UBAP2L: variants seen among roughly 807,000 people sequenced by gnomAD.
UBAP2L encodes ubiquitin-associated protein 2-like.
In UBAP2L, 12 loss-of-function variants were observed where a neutral mutation model predicts 130.6. The observed-to-expected ratio is 0.09, with a 90% CI of 0.06 to 0.15. The LOEUF is 0.15. Ranked by LOEUF, UBAP2L falls within the 10% of genes least tolerant of loss-of-function variation. The probability of loss-of-function intolerance (pLI) is 1.00; values close to 1 mark genes in which losing one functional copy is unlikely to be tolerated. For missense variants in UBAP2L, 965 were observed against 1,332.5 expected, an observed-to-expected ratio of 0.72 and a Z score of 4.29; for synonymous variants, 503 against 524.7, an observed-to-expected ratio of 0.96 and a Z score of 0.57.
chr1:154,233,051 T>A (rs1447807100), intron 4 of UBAP2L, among the ~76,000 whole-genome samples: 3 of 151,832 alleles, frequency 2.0e-5, no homozygotes, highest in Non-Finnish European at 4.4e-5. Flanking sequence ...GACTCCTCTG[T>A]CGCCCAGGCT....
Position 154,270,798 on chromosome 1 carries a change from T to C in UBAP2L, c.*503T>C. ...TTTTTTTTTTTTTTGTACTGTGTCC[T>C]CAAATTTAATGGATTAATGTGTCTT... is the stretch of plus-strand genomic sequence containing the variant. On this transcript the variant is annotated 3_prime_UTR_variant, in exon 27 of 27. Transcript: ENST00000428931. The C allele has an allele frequency of 1.2e-6, 1 of 835,802 alleles. No individual in the cohort carries two copies. The highest frequency in any genetic ancestry group is 1.8e-5 in the South Asian group (1 of 55,354). The allele number at this position is 835,802 out of a possible 1,614,324, so 51.8% of individuals were successfully genotyped here.
At chr1:154,269,592 C>CT (rs768943720) in intron 26 of UBAP2L, 6 of 384,398 alleles carry the variant, frequency 1.6e-5, no homozygotes, top group Non-Finnish European at 2.5e-5. Context: ...CCAACACCCT[C>CT]TTTATCTTTG....
chr1:154,253,471 G>A lies in UBAP2L; in HGVS notation c.1665-429G>A, dbSNP rs1017274683. Among the ~76,000 whole-genome samples the A allele has an allele frequency of 1.5e-4, 22 of 148,050 alleles. 1 individual carries two copies. In the South Asian group the frequency reaches 4.7e-3, roughly 32 times the overall value. On this transcript the variant is annotated intron_variant, in intron 14 of 26. Transcript: ENST00000428931. ...TTGATCTCGGCTCACTGCAAGCTGC[G>A]CCTCCCGGGTTCATGCCAGTCTCCT...
intron 8 of UBAP2L, among the ~76,000 whole-genome samples, chr1:154,237,498 C>G (rs944370322): frequency 3.3e-5 from 5 of 152,128 alleles, no homozygotes; most frequent in African/African-American, 9.7e-5. Flanking sequence ...CTATTAGGTC[C>G]AAGTGTATTT....
intron 24 of UBAP2L, chr1:154,263,189 G>A (rs1325439551): frequency 3.2e-5 from 49 of 1,550,400 alleles, no homozygotes; most frequent in Non-Finnish European, 4.2e-5. Context: ...TTGTGTGTGT[G>A]TATAAATTTG....
chr1:154,233,651 CTGTGTGTGTG>C (rs61695071), intron 4 of UBAP2L, among the ~76,000 whole-genome samples: 6 of 146,084 alleles, frequency 4.1e-5, no homozygotes, highest in South Asian at 2.2e-4. Flanking sequence ...AATGAAATTG[CTGTGTGTGTG>C]TGTGTGTGTG....
chr1:154,237,429 T>A (rs1213378325), intron 8 of UBAP2L, among the ~76,000 whole-genome samples: 1 of 152,248 alleles, frequency 6.6e-6, no homozygotes, highest in Non-Finnish European at 1.5e-5. Context: ...TGCTAGTATT[T>A]GAACTCAGCA....
intron 4 of UBAP2L, 114 bp from the exon 5 acceptor site, chr1:154,234,477 A>G (rs1056992960): frequency 3.6e-6 from 4 of 1,100,704 alleles, no homozygotes; most frequent in African/African-American, 3.1e-5. Flanking sequence ...GAAGTGTTTT[A>G]GACATGGATG....
chr1:154,267,880 CTTTTTTT>C (rs869153080), intron 25 of UBAP2L, among the ~76,000 whole-genome samples: 2,213 of 51,960 alleles, frequency 0.043, 44 homozygotes, highest in Non-Finnish European at 0.06. Flanking sequence ...CTTATTTGGT[CTTTTTTT>C]TTTTTTTTTT....
At position 154,257,172 on chromosome 1, in the gene UBAP2L, T is replaced by G; in HGVS notation, c.2267T>G (p.Leu756Arg). 2.5e-6 allele frequency: 4 copies of G among 1,614,170 alleles called. No homozygotes were observed. The highest frequency in any genetic ancestry group is 3.4e-6 in the Non-Finnish European group (4 of 1,180,020). ...PPPVVSVSSS[L>R]NSGSSLGLSL... ...CCAGTGGTCAGTGTCTCCTCCAGTC[T>G]CAATAGTGGCAGTAGCCTGGGCCTC... The change falls in exon 19 of 27, where the codon CTC becomes CGC. Residue 756 changes from leucine to arginine, a missense_variant. Transcript: ENST00000428931.
chr1:154,250,515 G>T (rs1353981799), intron 12 of UBAP2L, among the ~76,000 whole-genome samples: 1 of 152,126 alleles, frequency 6.6e-6, no homozygotes, highest in African/African-American at 2.4e-5. Context: ...GTGCATTCCT[G>T]TCTTACACAG....
At chr1:154,262,011 G>A (rs898212796) in intron 24 of UBAP2L, among the ~76,000 whole-genome samples, 1 of 152,218 alleles carries the variant, frequency 6.6e-6, no homozygotes, top group East Asian at 1.9e-4. Context: ...AAATGTCAGT[G>A]GAGGCAAGTG....
chr1:154,240,935 T>TCCCCCCCCCC (rs71096517), intron 8 of UBAP2L, among the ~76,000 whole-genome samples: 1 of 80,740 alleles, frequency 1.2e-5, no homozygotes, highest in African/African-American at 4.3e-5. Flanking sequence ...TGTCTGTCTG[T>TCCCCCCCCCC]CCCCCCCCCC....
At chr1:154,270,961 A>T (rs1392611295), downstream of UBAP2L, 11 of 1,545,830 alleles carry the variant, frequency 7.1e-6, no homozygotes, top group African/African-American at 1.4e-5. Flanking sequence ...AGGCCCCTGA[A>T]GGCAGTGGAA....
chr1:154,271,017 T>A, downstream of UBAP2L: 1 of 1,406,264 alleles, frequency 7.1e-7, no homozygotes, highest in Non-Finnish European at 9.8e-7. Flanking sequence ...CTTAATGTGG[T>A]AGTAGTATCT....
chr1:154,226,043 C>T (rs1571580625), intron 2 of UBAP2L, among the ~76,000 whole-genome samples: 1 of 152,162 alleles, frequency 6.6e-6, no homozygotes, highest in Admixed American at 6.5e-5. Flanking sequence ...CGAACTCCTG[C>T]CCTCAGGTGA....
chr1:154,261,190 G>A (rs1301813805), intron 23 of UBAP2L, 81 bp downstream of exon 23: 1 of 1,434,010 alleles, frequency 7.0e-7, no homozygotes, highest in Middle Eastern at 1.8e-4. Context: ...AAGGGTCAAT[G>A]ACTTTAATAA....
In UBAP2L at chr1:154,246,276, T is replaced by G; in HGVS notation, c.915T>G (p.Ser305=). Reference sequence around the variant, plus strand: ...ATGATTCATCTAATCTGGATCCGTCTCAGGCTCCTTCTCTGGCCCAGCCTC... The same window carrying G: ...ATGATTCATCTAATCTGGATCCGTCGCAGGCTCCTTCTCTGGCCCAGCCTC... ...MENDSSNLDP[S]QAPSLAQPLV... is the part of the protein sequence containing the mutation. Residue 305 remains serine (S), a synonymous_variant, in exon 11 of 27, where the codon TCT becomes TCG. Transcript: ENST00000428931. The G allele has an allele frequency of 6.2e-7, 1 of 1,613,882 alleles. No homozygotes were observed. The highest frequency in any genetic ancestry group is 8.5e-7 in the Non-Finnish European group (1 of 1,179,950).
In UBAP2L at chr1:154,254,093, G is replaced by A. The variant is rs1407650948; in HGVS notation, c.1854+4G>A. The A allele has an allele frequency of 2.0e-6, 3 of 1,530,706 alleles. No individual in the cohort carries two copies. The highest frequency in any genetic ancestry group is 2.6e-6 in the Non-Finnish European group (3 of 1,143,716). 94.8% of individuals were successfully genotyped at this position (1,530,706 alleles called of 1,614,324 possible). A position where few individuals can be genotyped will look rare whatever the true frequency, so the allele number is the denominator to read the frequency against. ...AAAGGACCTGACTCAGGCAAAGGTA[G>A]TGGCTTCATGAACCCTTGGGAATTG... On this transcript the variant is annotated splice_donor_region_variant and intron_variant, in intron 15 of 26. Transcript: ENST00000428931.
Sources: allele counts gnomAD v4.1 joint callset (sites outside exome capture counted in the v4.1 genomes callset), GRCh38; gene constraint gnomAD v4.1.1; transcripts MANE v1.5; gene names NCBI Gene and HGNC (gene_info 2026-07-23, HGNC 2026-07-21).